The following DOCK8 variants were observed in gnomAD, a reference collection of about 807,000 sequenced individuals.
DOCK8 encodes dedicator of cytokinesis 8.
In DOCK8, 141 loss-of-function variants were observed where a neutral mutation model predicts 245.6. The ratio of observed to expected loss-of-function variants is 0.57; its 90% confidence interval spans 0.50 to 0.66. DOCK8 has a LOEUF of 0.66. DOCK8 is among the 30% of genes least tolerant of loss of function. The pLI is 0.00. For missense variants in DOCK8, 2,965 were observed against 2,603.4 expected, an observed-to-expected ratio of 1.14 and a Z score of -3.02; for synonymous variants, 1,168 against 970.2, an observed-to-expected ratio of 1.20 and a Z score of -3.79.
intron 3 of DOCK8, among the ~76,000 whole-genome samples, chr9:289,223 A>G (rs990206974): frequency 2.0e-5 from 3 of 152,216 alleles, no homozygotes. Context: ...AGCTAGTTCT[A>G]CCTGTCTTGT....
chr9:436,623 C>A (rs1425410570), intron 39 of DOCK8, among the ~76,000 whole-genome samples: 1 of 152,084 alleles, frequency 6.6e-6, no homozygotes, highest in Non-Finnish European at 1.5e-5. Flanking sequence ...TCTAATTTTA[C>A]CTAGAATTCA....
chr9:226,245 A>G (rs2046987199), intron 1 of DOCK8, among the ~76,000 whole-genome samples: 1 of 152,132 alleles, frequency 6.6e-6, no homozygotes, highest in Admixed American at 6.6e-5. Flanking sequence ...CCTTTATAAA[A>G]CCATCAGATC....
intron 1 of DOCK8, among the ~76,000 whole-genome samples, chr9:222,262 CA>C (rs112869628): frequency 1.4e-4 from 20 of 147,480 alleles, no homozygotes; most frequent in African/African-American, 3.0e-4. Flanking sequence ...AACCCTGTCT[CA>C]AAAAAAAAAC....
intron 1 of DOCK8, among the ~76,000 whole-genome samples, chr9:244,869 G>T (rs2047469936): frequency 6.6e-6 from 1 of 152,184 alleles, no homozygotes; most frequent in Non-Finnish European, 1.5e-5. Context: ...ATGGGCCAGT[G>T]TGTTTTGAAG....
At chr9:288,350 A>G (rs60557513) in intron 3 of DOCK8, among the ~76,000 whole-genome samples, 101 of 152,292 alleles carry the variant, frequency 6.6e-4, no homozygotes, top group African/African-American at 2.3e-3. Context: ...CATGAACGCT[A>G]CAGGTGAGCT....
intron 14 of DOCK8, among the ~76,000 whole-genome samples, chr9:347,235 G>A (rs1001644873): frequency 1.3e-5 from 2 of 152,108 alleles, no homozygotes; most frequent in Non-Finnish European, 2.9e-5. Flanking sequence ...CGGGCACAGC[G>A]GCTCACACCT....
Sources: allele counts gnomAD v4.1 joint callset (sites outside exome capture counted in the v4.1 genomes callset), GRCh38; gene constraint gnomAD v4.1.1; transcripts MANE v1.5; gene names NCBI Gene and HGNC (gene_info 2026-07-23, HGNC 2026-07-21).